Variants in SUMF1 observed in about 807,000 individuals in gnomAD.
SUMF1 encodes sulfatase modifying factor 1, also known as formylglycine-generating enzyme.
In SUMF1, 48 loss-of-function variants were observed where a neutral mutation model predicts 47.6. The observed-to-expected ratio is 1.01, with a 90% CI of 0.80 to 1.28. The LOEUF is 1.28. SUMF1 is among the 50% of genes most tolerant of loss of function. The pLI is 0.00. For synonymous variants in SUMF1, 230 were observed against 192.1 expected (o/e 1.20, Z -1.63); for missense variants, 571 against 485.4 (o/e 1.18, Z -1.66).
intron 8 of SUMF1, among the ~76,000 whole-genome samples, chr3:4,170,055 C>G (rs530846222): frequency 6.6e-6 from 1 of 152,248 alleles, no homozygotes; most frequent in Admixed American, 6.5e-5. Context: ...AAACTATGGC[C>G]TGCAGACCAA....
intron 8 of SUMF1, among the ~76,000 whole-genome samples, chr3:4,355,041 T>C (rs985007704): frequency 6.6e-6 from 1 of 152,196 alleles, no homozygotes; most frequent in African/African-American, 2.4e-5. Context: ...CTACCCACGA[T>C]GCTAAACTGC....
chr3:4,205,735 T>C (rs1395358165), intron 8 of SUMF1, among the ~76,000 whole-genome samples: 1 of 152,158 alleles, frequency 6.6e-6, no homozygotes, highest in Non-Finnish European at 1.5e-5. Flanking sequence ...TTCCCTAGAT[T>C]ACCAGGCAGA....
chr3:4,143,058 A>T (rs1694109913), intron 8 of SUMF1, among the ~76,000 whole-genome samples: 1 of 152,094 alleles, frequency 6.6e-6, no homozygotes, highest in South Asian at 2.1e-4. Context: ...CAAAGAGGTT[A>T]TTTATATCCC....
At chr3:4,081,033 A>C (rs1692548647) in intron 8 of SUMF1, among the ~76,000 whole-genome samples, 1 of 152,174 alleles carries the variant, frequency 6.6e-6, no homozygotes, top group Non-Finnish European at 1.5e-5. Context: ...GACTCAATAC[A>C]CATTAAGCGT....
In SUMF1 at chr3:4,169,986, G is replaced by C. The variant is rs187969402; in HGVS notation, c.1015-101241C>G. Among the ~76,000 whole-genome samples the C allele has an allele frequency of 1.0e-3, 159 of 152,250 alleles. 1 individual carries two copies. Among genetic ancestry groups the C allele is most frequent in the Admixed American group, 6.1e-3 (93 of 15,298 alleles). On this transcript the variant is annotated intron_variant and NMD_transcript_variant, in intron 8 of 12. Coordinates refer to the SUMF1 transcript ENST00000448413. ...GAACATAGATTTTCAATAAGAATGA[G>C]ACAAATGCCAAGCATTTAGATGTGG...
rs1011869571 is a variant in SUMF1, at chr3:4,396,660, T to A, written c.954+14205A>T. 3.3e-5 allele frequency among the ~76,000 whole-genome samples: 5 copies of A among 152,216 alleles called. 1 individual carries two copies. Among genetic ancestry groups the A allele is most frequent in the Non-Finnish European group, 7.3e-5 (5 of 68,040 alleles). ...CTTCTCCATCCCAAATTGTTTCACT[T>A]CCTTCAAGGAACTTCCCATGGTTTC... On this transcript the variant is annotated intron_variant, in intron 7 of 8. Coordinates refer to ENST00000272902, the MANE Select transcript of SUMF1 (RefSeq NM_182760.4).
chr3:4,120,973 G>T (rs1693527540), intron 8 of SUMF1, among the ~76,000 whole-genome samples: 1 of 152,136 alleles, frequency 6.6e-6, no homozygotes. Context: ...TCAAGTTTGT[G>T]CTAGGTAAAT....
At chr3:4,348,859 G>A (rs368653271) in intron 8 of SUMF1, among the ~76,000 whole-genome samples, 1 of 152,268 alleles carries the variant, frequency 6.6e-6, no homozygotes, top group African/African-American at 2.4e-5. Context: ...TGGGCAACAA[G>A]AGCGAAGCGC....
chr3:4,395,049 C>T (rs1418367725), intron 7 of SUMF1, among the ~76,000 whole-genome samples: 2 of 152,176 alleles, frequency 1.3e-5, no homozygotes, highest in Non-Finnish European at 2.9e-5. Flanking sequence ...TCCTTATCAT[C>T]GTATTTCATC....
intron 8 of SUMF1, among the ~76,000 whole-genome samples, chr3:4,318,373 A>G (rs1698741119): frequency 6.6e-6 from 1 of 152,214 alleles, no homozygotes. Context: ...ATAGACACAA[A>G]GCATTTGACA....
chr3:4,075,091 C>A (rs1692390849), intron 8 of SUMF1, among the ~76,000 whole-genome samples: 1 of 152,046 alleles, frequency 6.6e-6, no homozygotes, highest in Admixed American at 6.6e-5. Flanking sequence ...ATGTGAAAAT[C>A]CTCAATAAAA....
chr3:4,408,711 C>T (rs142147871), intron 7 of SUMF1, among the ~76,000 whole-genome samples: 302 of 152,286 alleles, frequency 2.0e-3, no homozygotes, highest in Non-Finnish European at 3.7e-3. Context: ...TGGCTCACAC[C>T]TGTAATCCCA....
intron 1 of SUMF1, among the ~76,000 whole-genome samples, chr3:4,463,866 A>G (rs2079874728): frequency 6.6e-6 from 1 of 152,248 alleles, no homozygotes; most frequent in Non-Finnish European, 1.5e-5. Context: ...AACTATTAGG[A>G]TAATTTTCTC....
At chr3:4,311,357 A>T (rs1030224193) in intron 8 of SUMF1, among the ~76,000 whole-genome samples, 3 of 152,200 alleles carry the variant, frequency 2.0e-5, no homozygotes, top group Non-Finnish European at 2.9e-5. Flanking sequence ...TGGTGCAAAC[A>T]TTCCTTCAGG....
intron 8 of SUMF1, among the ~76,000 whole-genome samples, chr3:4,242,894 C>T (rs1297406446): frequency 1.3e-5 from 2 of 152,152 alleles, no homozygotes; most frequent in East Asian, 3.8e-4. Context: ...GGTGTGAATC[C>T]ATCTGGTCCT....
intron 7 of SUMF1, among the ~76,000 whole-genome samples, chr3:4,386,550 G>C (rs1700679525): frequency 6.6e-6 from 1 of 151,998 alleles, no homozygotes; most frequent in Admixed American, 6.6e-5. Context: ...TCTGCAAATA[G>C]GGACTGTTTT....
At chr3:4,313,009 C>T (rs1698475098) in intron 8 of SUMF1, 4 of 1,613,840 alleles carry the variant, frequency 2.5e-6, no homozygotes, top group Non-Finnish European at 3.4e-6. Context: ...TTGCTCCTGT[C>T]TCCGCCATGG....
chr3:4,413,595 T>C (rs184298970), intron 6 of SUMF1, among the ~76,000 whole-genome samples: 2 of 152,184 alleles, frequency 1.3e-5, no homozygotes, highest in East Asian at 3.9e-4. Context: ...AACAAATGTA[T>C]ATGAGAATAC....
intron 8 of SUMF1, among the ~76,000 whole-genome samples, chr3:4,331,223 T>TA (rs35908176): frequency 6.6e-4 from 97 of 146,474 alleles, no homozygotes; most frequent in South Asian, 1.5e-3. Flanking sequence ...TCCTTTAATT[T>TA]AAAAAAAAAA....
Sources: gnomAD v4.1 joint callset for allele counts (sites outside exome capture counted in the v4.1 genomes callset) on GRCh38, gnomAD v4.1.1 for gene constraint, MANE v1.5 for transcripts, NCBI Gene and HGNC (gene_info 2026-07-23, HGNC 2026-07-21) for gene names.